The following PDSS2 variants were observed in gnomAD, a reference collection of about 807,000 sequenced individuals.
PDSS2 encodes the protein decaprenyl diphosphate synthase subunit 2, also known as all trans-polyprenyl-diphosphate synthase PDSS2.
In PDSS2, 31 loss-of-function variants were observed where a neutral mutation model predicts 44.5. That is an observed-to-expected ratio of 0.70 (90% CI 0.52 to 0.94). The LOEUF (loss-of-function observed/expected upper bound fraction) is 0.94. Ranked by LOEUF, PDSS2 falls within the 40% of genes least tolerant of loss-of-function variation. PDSS2 has a pLI of 0.00. For missense variants in PDSS2, 452 were observed against 482.2 expected, an observed-to-expected ratio of 0.94 and a Z score of 0.59; for synonymous variants, 157 against 180.3, an observed-to-expected ratio of 0.87 and a Z score of 1.03.
At chr6:107,450,704 C>A (rs562717839) in intron 1 of PDSS2, among the ~76,000 whole-genome samples, 1 of 152,152 alleles carries the variant, frequency 6.6e-6, no homozygotes. Flanking sequence ...CAGCCTATTA[C>A]AAATAAGACT....
At position 107,315,914 on chromosome 6, in the gene PDSS2, T is replaced by C. The variant is rs190005991; in HGVS notation, c.431+18284A>G. ...GGGCGGGATCATTTACCTCAGATTA[T>C]CACAATATACAGTTTTAGAAATCCT... On this transcript the variant is annotated intron_variant, in intron 2 of 7. Coordinates refer to ENST00000369037, the MANE Select transcript of PDSS2 (RefSeq NM_020381.4). 5.4e-4 allele frequency among the ~76,000 whole-genome samples: 82 copies of C among 152,286 alleles called. 1 individual carries two copies. In the East Asian group the frequency reaches 0.011, roughly 20 times the overall value.
chr6:107,386,152 A>T (rs955503731), intron 1 of PDSS2, among the ~76,000 whole-genome samples: 4 of 152,180 alleles, frequency 2.6e-5, no homozygotes, highest in African/African-American at 7.2e-5. Flanking sequence ...AAAGAAACTA[A>T]GATTGTATTA....
At chr6:107,213,395 C>T (rs954817836) in intron 4 of PDSS2, among the ~76,000 whole-genome samples, 3 of 151,560 alleles carry the variant, frequency 2.0e-5, no homozygotes, top group Admixed American at 2.0e-4. Flanking sequence ...GGTAATCTGC[C>T]TGCCTTGGCC....
intron 1 of PDSS2, among the ~76,000 whole-genome samples, chr6:107,390,452 GA>G (rs1195831993): frequency 6.6e-6 from 1 of 152,040 alleles, no homozygotes; most frequent in East Asian, 1.9e-4. Context: ...TTAAAGTCAT[GA>G]AAAAGAAAGA....
In PDSS2 at chr6:107,208,717, C is replaced by T. The variant is rs141133583; in HGVS notation, c.1008+1722G>A. Reference sequence around the variant, plus strand: ...TCTGCCTTATAGGTGTGCACCACCACGCCCAGCTAATTTTTGTATTTTTAG... The same window carrying T: ...TCTGCCTTATAGGTGTGCACCACCATGCCCAGCTAATTTTTGTATTTTTAG... On this transcript the variant is annotated intron_variant, in intron 6 of 7. Transcript: ENST00000369037. 8.0e-3 allele frequency among the ~76,000 whole-genome samples: 1,215 copies of T among 151,324 alleles called. 13 individuals carry two copies. Among genetic ancestry groups the T allele is most frequent in the African/African-American group, 0.028 (1,136 of 41,196 alleles).
intron 6 of PDSS2, among the ~76,000 whole-genome samples, chr6:107,202,884 G>A (rs1772834163): frequency 6.6e-6 from 1 of 151,860 alleles, no homozygotes. Flanking sequence ...GGAGATACTA[G>A]ATATACTAGA....
At chr6:107,317,634 G>A (rs1367028595) in intron 2 of PDSS2, among the ~76,000 whole-genome samples, 1 of 152,182 alleles carries the variant, frequency 6.6e-6, no homozygotes, top group African/African-American at 2.4e-5. Flanking sequence ...CACCATCAGG[G>A]CTTTGGGTTA....
Position 107,334,197 on chromosome 6 carries a change from C to A in PDSS2, c.431+1G>T. The A allele has an allele frequency of 6.2e-6, 10 of 1,613,624 alleles. No individual in the cohort carries two copies. The highest frequency in any genetic ancestry group is 8.5e-6 in the Non-Finnish European group (10 of 1,179,716). On this transcript the variant is annotated splice_donor_variant, in intron 2 of 7. Coordinates refer to ENST00000369037, the MANE Select transcript of PDSS2 (RefSeq NM_020381.4). LOFTEE classifies it high-confidence loss of function. ...ATGTCAAAAGACTAAATTCTTCTTA[C>A]CATGAGTAGATCCCACTGACCATGT...
intron 3 of PDSS2, among the ~76,000 whole-genome samples, chr6:107,254,126 C>T (rs1416694033): frequency 3.3e-5 from 5 of 150,960 alleles, no homozygotes; most frequent in African/African-American, 4.9e-5. Context: ...CTCTGCCTCC[C>T]GGGTTCAAGT....
intron 1 of PDSS2, among the ~76,000 whole-genome samples, chr6:107,368,279 A>C (rs1229892310): frequency 6.6e-6 from 1 of 152,096 alleles, no homozygotes; most frequent in Non-Finnish European, 1.5e-5. Context: ...AAAAAAAAAA[A>C]AAAACTATTG....
chr6:107,452,671 T>C (rs1393034542), intron 1 of PDSS2, among the ~76,000 whole-genome samples: 2 of 149,352 alleles, frequency 1.3e-5, no homozygotes, highest in African/African-American at 5.0e-5. Flanking sequence ...GTTTCAAACT[T>C]TTTTTTTTTT....
In PDSS2 at chr6:107,276,419, G is replaced by C. The variant is rs370231416; in HGVS notation, c.432-2192C>G. 2.1e-4 allele frequency among the ~76,000 whole-genome samples: 32 copies of C among 152,238 alleles called. 1 individual carries two copies. Among genetic ancestry groups the C allele is most frequent in the Non-Finnish European group, 3.5e-4 (24 of 68,006 alleles). ...TTGGATAGACGGTGGTGTGTGGTTGGGGGGAGGGTGGATAACTTGTCCTTT... is the reference window on the plus strand; with the variant it reads ...TTGGATAGACGGTGGTGTGTGGTTGCGGGGAGGGTGGATAACTTGTCCTTT... On this transcript the variant is annotated intron_variant, in intron 2 of 7. Transcript: ENST00000369037.
At chr6:107,305,816 C>T (rs140711201) in intron 2 of PDSS2, among the ~76,000 whole-genome samples, 41 of 152,270 alleles carry the variant, frequency 2.7e-4, no homozygotes, top group African/African-American at 9.4e-4. Flanking sequence ...TACCCCAGAA[C>T]ATTGGGAATA....
chr6:107,389,953 G>T (rs1583025262), intron 1 of PDSS2, among the ~76,000 whole-genome samples: 1 of 152,260 alleles, frequency 6.6e-6, no homozygotes, highest in South Asian at 2.1e-4. Flanking sequence ...AAAGGATGGG[G>T]TTATGTCAAA....
chr6:107,377,040 G>C (rs866622701), intron 1 of PDSS2, among the ~76,000 whole-genome samples: 1 of 150,262 alleles, frequency 6.7e-6, no homozygotes, highest in East Asian at 2.0e-4. Flanking sequence ...TGACAAATGG[G>C]ATCTAATTAA....
chr6:107,268,664 A>G (rs1298160507), intron 3 of PDSS2, among the ~76,000 whole-genome samples: 1 of 152,138 alleles, frequency 6.6e-6, no homozygotes, highest in Non-Finnish European at 1.5e-5. Context: ...TTTCTGAAGA[A>G]TGTGTTCATT....
chr6:107,276,825 A>G (rs1359529530), intron 2 of PDSS2, among the ~76,000 whole-genome samples: 3 of 152,206 alleles, frequency 2.0e-5, no homozygotes, highest in Admixed American at 2.0e-4. Flanking sequence ...CTAACCTGAG[A>G]CTACAAGTTA....
intron 6 of PDSS2, among the ~76,000 whole-genome samples, chr6:107,207,922 T>G (rs1773042195): frequency 6.6e-6 from 1 of 151,506 alleles, no homozygotes; most frequent in Non-Finnish European, 1.5e-5. Context: ...TATTTTTATT[T>G]TTAAAAATGT....
Position 107,334,236 on chromosome 6 carries a change from T to C in PDSS2, c.393A>G (p.Ser131=), listed in dbSNP as rs756359598. 3.7e-6 allele frequency: 6 copies of C among 1,613,874 alleles called. No homozygotes were observed. The South Asian group carries it at 6.6e-5, about 18-fold the overall frequency. ...KAAGPSSVNT[S]CQNYDMVSGI... ...CACTGACCATGTCATAGTTCTGACA[T>C]GAAGTGTTCACGCTGCTGGGCCCAG... is the stretch of plus-strand genomic sequence containing the variant. Residue 131 remains serine, a synonymous_variant, in exon 2 of 8, where the codon TCA becomes TCG. Transcript: ENST00000369037.
Sources: allele counts gnomAD v4.1 joint callset (sites outside exome capture counted in the v4.1 genomes callset), GRCh38; gene constraint gnomAD v4.1.1; transcripts MANE v1.5; gene names NCBI Gene and HGNC (gene_info 2026-07-23, HGNC 2026-07-21).